The following SND1 variants were observed in gnomAD, a reference collection of about 807,000 sequenced individuals.
The protein encoded by SND1 is staphylococcal nuclease domain-containing protein 1.
In SND1, 38 loss-of-function variants were observed where a neutral mutation model predicts 121.7. The ratio of observed to expected loss-of-function variants is 0.31; its 90% CI spans 0.24 to 0.41. SND1 has a LOEUF of 0.41. Among genes scored for constraint, SND1 ranks in the 10% least tolerant of loss-of-function variants. SND1 has a pLI of 1.00. For missense variants in SND1, 868 were observed against 1,184.6 expected (o/e 0.73, Z 3.92); for synonymous variants, 401 against 447.4 (o/e 0.90, Z 1.31).
chr7:127,938,557 T>C (rs544292074), intron 15 of SND1, among the ~76,000 whole-genome samples: 274 of 152,384 alleles, frequency 1.8e-3, no homozygotes, highest in African/African-American at 6.3e-3. Flanking sequence ...TGCTACATTT[T>C]CTTTGGGCAG....
intron 10 of SND1, among the ~76,000 whole-genome samples, chr7:127,737,725 C>A (rs1184429698): frequency 6.6e-6 from 1 of 152,098 alleles, no homozygotes; most frequent in East Asian, 1.9e-4. Flanking sequence ...AGATGAGGAT[C>A]CCTAGTAGGA....
intron 12 of SND1, among the ~76,000 whole-genome samples, chr7:127,884,140 C>T (rs1799849203): frequency 6.6e-6 from 1 of 152,054 alleles, no homozygotes; most frequent in Non-Finnish European, 1.5e-5. Flanking sequence ...GGAGCCAGGA[C>T]TTCTGTGTCC....
At chr7:127,749,376 C>T (rs548194737) in intron 10 of SND1, among the ~76,000 whole-genome samples, 1 of 152,318 alleles carries the variant, frequency 6.6e-6, no homozygotes, top group African/African-American at 2.4e-5. Flanking sequence ...GTCTTGAAAG[C>T]TATCTATCCT....
intron 16 of SND1, chr7:127,997,456 T>C (rs1802692102): frequency 3.0e-6 from 1 of 333,808 alleles, no homozygotes. Context: ...AAATATTTAC[T>C]CTGCTCTTCC....
intron 16 of SND1, among the ~76,000 whole-genome samples, chr7:128,069,703 A>G (rs1375467091): frequency 6.6e-6 from 1 of 152,244 alleles, no homozygotes; most frequent in African/African-American, 2.4e-5. Context: ...AGTGCTTAAC[A>G]TATTTATATT....
chr7:127,956,764 G>C (rs1801602103), intron 15 of SND1, among the ~76,000 whole-genome samples: 2 of 152,334 alleles, frequency 1.3e-5, no homozygotes, highest in South Asian at 4.1e-4. Flanking sequence ...CTGCACGTGT[G>C]CATGTGTGCA....
intron 10 of SND1, among the ~76,000 whole-genome samples, chr7:127,805,659 T>G (rs935639369): frequency 6.6e-6 from 1 of 152,122 alleles, no homozygotes; most frequent in Non-Finnish European, 1.5e-5. Flanking sequence ...ATATCGACCT[T>G]AGGATGATTT....
chr7:127,886,902 A>C (rs1216042586), intron 12 of SND1, among the ~76,000 whole-genome samples: 1 of 149,118 alleles, frequency 6.7e-6, no homozygotes, highest in African/African-American at 2.4e-5. Context: ...TTTGCATTAG[A>C]GTCTAACCTG....
At chr7:127,854,854 G>A (rs1042049389) in intron 12 of SND1, among the ~76,000 whole-genome samples, 26 of 151,868 alleles carry the variant, frequency 1.7e-4, no homozygotes, top group Non-Finnish European at 1.2e-4. Context: ...TAGTGATTCT[G>A]CTTAAAAGGG....
chr7:127,700,362 C>G (rs1177535503), intron 4 of SND1, among the ~76,000 whole-genome samples: 1 of 152,200 alleles, frequency 6.6e-6, no homozygotes, highest in Non-Finnish European at 1.5e-5. Context: ...GTGAAGACTT[C>G]TGGCTTGAGA....
chr7:127,833,271 T>C (rs1798797849), intron 11 of SND1, among the ~76,000 whole-genome samples: 1 of 150,070 alleles, frequency 6.7e-6, no homozygotes, highest in African/African-American at 2.5e-5. Flanking sequence ...TTTTTTTTTT[T>C]TTTTTTTTTA....
At chr7:127,998,078 CCTAG>C in intron 16 of SND1, 1 of 479,746 alleles carries the variant, frequency 2.1e-6, no homozygotes, top group Non-Finnish European at 4.4e-6. Flanking sequence ...TACTCCAGTG[CCTAG>C]TATATAAGAG....
intron 10 of SND1, among the ~76,000 whole-genome samples, chr7:127,732,769 T>A (rs996367428): frequency 6.6e-6 from 1 of 152,234 alleles, no homozygotes; most frequent in African/African-American, 2.4e-5. Context: ...TAAATTTATA[T>A]CTTAATTGGT....
intron 15 of SND1, among the ~76,000 whole-genome samples, chr7:127,942,744 G>A (rs1801243917): frequency 1.3e-5 from 2 of 152,154 alleles, no homozygotes; most frequent in African/African-American, 2.4e-5. Context: ...TTCTGCAGTT[G>A]ATAGAAACTA....
chr7:127,687,479 C>T (rs1259469019), intron 2 of SND1, among the ~76,000 whole-genome samples: 2 of 152,120 alleles, frequency 1.3e-5, no homozygotes, highest in Non-Finnish European at 2.9e-5. Context: ...TCCTTCTCCC[C>T]TTTTGGAGTC....
At chr7:127,939,055 A>G (rs529307544) in intron 15 of SND1, among the ~76,000 whole-genome samples, 111 of 152,228 alleles carry the variant, frequency 7.3e-4, no homozygotes, top group Non-Finnish European at 1.4e-3. Context: ...CTTAAATACT[A>G]TACAAATGAG....
chr7:127,936,357 A>T (rs1040158053), intron 15 of SND1, among the ~76,000 whole-genome samples: 1 of 152,024 alleles, frequency 6.6e-6, no homozygotes, highest in African/African-American at 2.4e-5. Flanking sequence ...CTTTTTCCTC[A>T]TCTGGCCTTT....
chr7:128,064,685 G>A (rs555721248), intron 16 of SND1, among the ~76,000 whole-genome samples: 2 of 152,310 alleles, frequency 1.3e-5, no homozygotes, highest in African/African-American at 4.8e-5. Flanking sequence ...AATTCAGAGA[G>A]CAGTGGGATG....
chr7:127,721,459 A>G, intron 10 of SND1, 59 bp downstream of exon 10: 1 of 912,496 alleles, frequency 1.1e-6, no homozygotes, highest in Non-Finnish European at 1.8e-6. Context: ...AAGTTGGAGA[A>G]TTGATTAATA....
Sources: gnomAD v4.1 joint callset for allele counts (sites outside exome capture counted in the v4.1 genomes callset) on GRCh38, gnomAD v4.1.1 for gene constraint, MANE v1.5 for transcripts, NCBI Gene and HGNC (gene_info 2026-07-23, HGNC 2026-07-21) for gene names.